CNKSR2: variants seen among roughly 807,000 people sequenced by gnomAD.
The protein encoded by CNKSR2 is CNK homolog protein 2.
Under a neutral mutation model 84.4 loss-of-function variants are expected in CNKSR2, and 14 were observed. That is an observed-to-expected ratio of 0.17 (90% confidence interval 0.11 to 0.26). CNKSR2 has a LOEUF of 0.26. Ranked by LOEUF, CNKSR2 falls within the 10% of genes least tolerant of loss-of-function variation. The probability of loss-of-function intolerance (pLI) is 1.00; values close to 1 mark genes in which losing one functional copy is unlikely to be tolerated. For synonymous variants in CNKSR2, 275 were observed against 277.9 expected (o/e 0.99, Z 0.10); for missense variants, 485 against 771.2 (o/e 0.63, Z 4.40).
chrX:21,652,754 G>A lies in CNKSR2; in HGVS notation c.*233G>A. On this transcript the variant is annotated 3_prime_UTR_variant, in exon 22 of 22. Coordinates refer to ENST00000379510, the MANE Select transcript of CNKSR2 (RefSeq NM_014927.5). ...ATGTGCAAAATCAACTGTCTTTAAT[G>A]ACTTAAAATTAACTTTTGCAAACAA... 3.3e-6 allele frequency: 1 copy of A among 306,356 alleles called. No individual in the cohort carries two copies. The highest frequency in any genetic ancestry group is 5.6e-6 in the Non-Finnish European group (1 of 177,230). 25.2% of individuals were successfully genotyped at this position (306,356 alleles called of 1,213,427 possible). A position where few individuals can be genotyped will look rare whatever the true frequency, so the allele number is the denominator to read the frequency against.
At chrX:21,455,549 G>T (rs185411841) in intron 4 of CNKSR2, among the ~76,000 whole-genome samples, 1 of 111,916 alleles carries the variant, frequency 8.9e-6, no homozygotes, top group African/African-American at 3.2e-5. Context: ...TTGAATGAAA[G>T]CAAGTCAGAA....
At chrX:21,580,069 T>G (rs779728871) in intron 13 of CNKSR2, among the ~76,000 whole-genome samples, 1 of 112,069 alleles carries the variant, frequency 8.9e-6, no homozygotes. Context: ...GAAGTTAAAA[T>G]ATCTCCCCAT....
chrX:21,562,994 G>A (rs1288907155), intron 12 of CNKSR2, among the ~76,000 whole-genome samples: 1 of 111,211 alleles, frequency 9.0e-6, no homozygotes, highest in African/African-American at 3.3e-5. Context: ...ATTTTTTATT[G>A]TCTTATCATA....
intron 3 of CNKSR2, among the ~76,000 whole-genome samples, chrX:21,437,523 G>A (rs200786646): frequency 9.7e-6 from 1 of 103,343 alleles, no homozygotes; most frequent in African/African-American, 3.6e-5. Context: ...AGGTTCAAGC[G>A]ATTCTCCTGC....
At chrX:21,645,852 C>T in intron 20 of CNKSR2, 1 of 111,681 alleles carries the variant, frequency 9.0e-6, no homozygotes, top group East Asian at 2.8e-4. Flanking sequence ...TGGTATTCAT[C>T]TGAGAAAAAT....
Position 21,601,263 on chromosome X carries a change from T to G in CNKSR2, c.1977-19T>G. The G allele has an allele frequency of 9.7e-7, 1 of 1,026,541 alleles. No individual in the cohort carries two copies. The allele number at this position is 1,026,541 out of a possible 1,213,427, so 84.6% of individuals were successfully genotyped here. Reference sequence around the variant, plus strand: ...AAATTAGGTTACAATGTTATTGATTTTAATATTTGTTTTCTCAGGTGGCTT... The same window carrying G: ...AAATTAGGTTACAATGTTATTGATTGTAATATTTGTTTTCTCAGGTGGCTT... On this transcript the variant is annotated intron_variant, in intron 17 of 21. Coordinates refer to ENST00000379510, the MANE Select transcript of CNKSR2 (RefSeq NM_014927.5).
rs929267645 is a variant in CNKSR2, at chrX:21,590,510, G to A, written c.1609-62G>A. 15 of 1,048,379 alleles carry A rather than the reference G, an allele frequency of 1.4e-5. No individual in the cohort carries two copies. In the East Asian group the frequency reaches 2.1e-4, roughly 15 times the overall value. The allele number at this position is 1,048,379 out of a possible 1,213,427, so 86.4% of individuals were successfully genotyped here. A position where few individuals can be genotyped will look rare whatever the true frequency, so the allele number is the denominator to read the frequency against. Reference sequence around the variant, plus strand: ...TTAGCTCTTGAGAGTTCTGTGTAGCGTGCTGGTGCTCTGGATCACACCCTG... The same window carrying A: ...TTAGCTCTTGAGAGTTCTGTGTAGCATGCTGGTGCTCTGGATCACACCCTG... On this transcript the variant is annotated intron_variant, in intron 13 of 21. Transcript: ENST00000379510.
chrX:21,379,787 C>T (rs1324962417), intron 1 of CNKSR2, among the ~76,000 whole-genome samples: 1 of 111,356 alleles, frequency 9.0e-6, no homozygotes, highest in Non-Finnish European at 1.9e-5. Context: ...GAGGTGCCAA[C>T]TAGCACATGT....
chrX:21,459,111 C>T (rs764597805), intron 4 of CNKSR2, among the ~76,000 whole-genome samples: 1 of 106,555 alleles, frequency 9.4e-6, no homozygotes, highest in South Asian at 4.4e-4. Context: ...CAATGCCCGC[C>T]TCCTGGGTTC....
At chrX:21,501,495 A>G (rs755505135) in intron 7 of CNKSR2, 25 bp from the exon 8 acceptor site, 2 of 1,033,296 alleles carry the variant, frequency 1.9e-6, no homozygotes, top group South Asian at 2.2e-5. Context: ...TATGTTCTTT[A>G]TCGTTTCTTT....
intron 11 of CNKSR2, among the ~76,000 whole-genome samples, chrX:21,557,799 A>G (rs763317144): frequency 9.0e-6 from 1 of 111,393 alleles, no homozygotes; most frequent in East Asian, 2.8e-4. Context: ...AAACCAATAT[A>G]AGTACTACTA....
chrX:21,544,885 C>T (rs1005704595), intron 11 of CNKSR2, among the ~76,000 whole-genome samples: 2 of 111,571 alleles, frequency 1.8e-5, no homozygotes, highest in African/African-American at 3.3e-5. Context: ...CCATGGTCTT[C>T]GCAACCCACA....
chrX:21,424,989 TCTACC>T (rs2090546300), intron 1 of CNKSR2: 1 of 110,183 alleles, frequency 9.1e-6, no homozygotes, highest in Non-Finnish European at 1.9e-5. Flanking sequence ...AGGCTATAAA[TCTACC>T]TGCATCTACA....
intron 5 of CNKSR2, among the ~76,000 whole-genome samples, chrX:21,484,984 C>T (rs1337194709): frequency 9.0e-6 from 1 of 111,271 alleles, no homozygotes; most frequent in African/African-American, 3.3e-5. Context: ...GAGTTCGAGA[C>T]CAGCCAGGCC....
chrX:21,609,298 T>C lies in CNKSR2; in HGVS notation c.2373T>C (p.Asp791=). 7.4e-6 allele frequency: 9 copies of C among 1,211,448 alleles called. No homozygotes were observed. Among genetic ancestry groups the C allele is most frequent in the Non-Finnish European group, 1.0e-5 (9 of 895,418 alleles). ...ATCTTCAGACTCTGCCCCTGGAGGA[T>C]TCTGTCTTCTCTGACTCCGCGGCCA... ...LHYLQTLPLE[D]SVFSDSAAIS... Residue 791 remains aspartate, a synonymous_variant, in exon 20 of 22, where the codon GAT becomes GAC. Transcript: ENST00000379510.
At chrX:21,377,305 C>G (rs2089832583) in intron 1 of CNKSR2, among the ~76,000 whole-genome samples, 2 of 112,224 alleles carry the variant, frequency 1.8e-5, no homozygotes, top group Admixed American at 1.9e-4. Context: ...AACATTTCCT[C>G]AACTTGTAAC....
intron 11 of CNKSR2, among the ~76,000 whole-genome samples, chrX:21,542,946 T>G (rs1483303863): frequency 1.8e-5 from 2 of 112,259 alleles, no homozygotes; most frequent in Non-Finnish European, 3.8e-5. Flanking sequence ...TTGAGGAAAA[T>G]TAATCTCTGT....
intron 20 of CNKSR2, among the ~76,000 whole-genome samples, chrX:21,624,421 A>G (rs1451691735): frequency 5.4e-5 from 6 of 112,126 alleles, no homozygotes; most frequent in Non-Finnish European, 1.1e-4. Context: ...TGCCTACAAA[A>G]TCATAATTCC....
intron 13 of CNKSR2, among the ~76,000 whole-genome samples, chrX:21,576,593 C>T (rs1002041190): frequency 4.5e-5 from 5 of 111,003 alleles, no homozygotes; most frequent in Admixed American, 2.9e-4. Flanking sequence ...AAAAAATTGA[C>T]GAACATCTAG....
Sources: allele counts gnomAD v4.1 joint callset (sites outside exome capture counted in the v4.1 genomes callset), GRCh38; gene constraint gnomAD v4.1.1; transcripts MANE v1.5; gene names NCBI Gene and HGNC (gene_info 2026-07-23, HGNC 2026-07-21).